The following CEP128 variants were observed in gnomAD, a reference collection of about 807,000 sequenced individuals.
CEP128 encodes centrosomal protein 128kDa.
Under a neutral mutation model 156.7 loss-of-function variants are expected in CEP128, and 132 were observed. The ratio of observed to expected loss-of-function variants is 0.84; its 90% CI spans 0.73 to 0.97. CEP128 has a LOEUF of 0.97. Ranked by LOEUF, CEP128 falls within the 50% of genes least tolerant of loss-of-function variation. CEP128 has a pLI of 0.00. For synonymous variants in CEP128, 469 were observed against 448.9 expected, an observed-to-expected ratio of 1.04 and a Z score of -0.57; for missense variants, 1,252 against 1,281.9, an observed-to-expected ratio of 0.98 and a Z score of 0.36.
intron 23 of CEP128, among the ~76,000 whole-genome samples, chr14:80,506,569 C>T (rs1184128857): frequency 2.6e-5 from 4 of 151,928 alleles, no homozygotes. Flanking sequence ...AATTCCATAT[C>T]TGTGGGTTAG....
chr14:80,911,688 T>C (rs892553320), intron 4 of CEP128, among the ~76,000 whole-genome samples: 24 of 152,322 alleles, frequency 1.6e-4, no homozygotes, highest in African/African-American at 5.1e-4. Flanking sequence ...GTGGATGAAA[T>C]AAGATGATCT....
At chr14:80,708,225 A>G (rs1205780861) in intron 19 of CEP128, among the ~76,000 whole-genome samples, 1 of 152,174 alleles carries the variant, frequency 6.6e-6, no homozygotes, top group African/African-American at 2.4e-5. Flanking sequence ...ATCTTTTGAT[A>G]TACATTCCTA....
chr14:80,933,462 T>C (rs1390738158), intron 2 of CEP128, among the ~76,000 whole-genome samples: 35 of 152,190 alleles, frequency 2.3e-4, no homozygotes, highest in Admixed American at 2.2e-3. Context: ...TAGTTAATTA[T>C]ATCAGGAGTC....
intron 19 of CEP128, among the ~76,000 whole-genome samples, chr14:80,701,143 G>T (rs1897060956): frequency 6.6e-6 from 1 of 152,148 alleles, no homozygotes; most frequent in Non-Finnish European, 1.5e-5. Context: ...CTCTCAGGCT[G>T]CTCCTGATGA....
At chr14:80,690,416 CAAA>C (rs113493547) in intron 19 of CEP128, among the ~76,000 whole-genome samples, 3 of 118,268 alleles carry the variant, frequency 2.5e-5, no homozygotes, top group Admixed American at 8.7e-5. Flanking sequence ...AACTCCATCT[CAAA>C]AAAAAAAAAA....
chr14:80,932,628 G>A (rs569421111), intron 2 of CEP128, among the ~76,000 whole-genome samples: 3 of 152,248 alleles, frequency 2.0e-5, no homozygotes, highest in African/African-American at 7.2e-5. Context: ...TGTCTCCCAT[G>A]ACCCCAAGAC....
At chr14:80,900,156 A>G (rs1259285630) in intron 6 of CEP128, 127 bp from the exon 7 acceptor site, 2 of 594,008 alleles carry the variant, frequency 3.4e-6, no homozygotes, top group Non-Finnish European at 5.7e-6. Flanking sequence ...TTATTATGAA[A>G]GAAAACACCT....
At chr14:80,560,226 G>C (rs1175062136) in intron 20 of CEP128, among the ~76,000 whole-genome samples, 2 of 152,108 alleles carry the variant, frequency 1.3e-5, no homozygotes, top group Non-Finnish European at 2.9e-5. Context: ...AGGAGTTCGA[G>C]ACCAGCCTGG....
chr14:80,677,600 G>C (rs1406175195), intron 19 of CEP128, among the ~76,000 whole-genome samples: 2 of 150,212 alleles, frequency 1.3e-5, no homozygotes, highest in Admixed American at 1.3e-4. Context: ...ATCCAATAAA[G>C]AGTGAAAGAC....
intron 21 of CEP128, among the ~76,000 whole-genome samples, chr14:80,556,286 C>T (rs995257077): frequency 6.6e-6 from 1 of 152,066 alleles, no homozygotes; most frequent in Non-Finnish European, 1.5e-5. Context: ...GAATACATTG[C>T]CGTGCTTCTG....
chr14:80,525,239 G>T (rs1354095543), intron 23 of CEP128, among the ~76,000 whole-genome samples: 1 of 152,060 alleles, frequency 6.6e-6, no homozygotes, highest in African/African-American at 2.4e-5. Context: ...GAAAAAATTA[G>T]GTATATAAGG....
At position 80,743,146 on chromosome 14, in the gene CEP128, T is replaced by C. The variant is rs780133793; in HGVS notation, c.2735A>G (p.Glu912Gly). 1 of 1,613,840 alleles carries C rather than the reference T, an allele frequency of 6.2e-7. No individual in the cohort carries two copies. Among genetic ancestry groups the C allele is most frequent in the South Asian group, 1.1e-5 (1 of 91,078 alleles). ...TATCTGTTGAAAGAGACACTGCAAC[T>C]CAGATTCCTTGTTTTCAGTCAAATT... ...LRNLTENKESELQCLFQQIER... is the reference protein window; with the variant it reads ...LRNLTENKESGLQCLFQQIER... Residue 912 changes from glutamate (E) to glycine (G), a missense_variant, in exon 19 of 25, where the codon GAG (glutamate) becomes GGG (glycine). Glu to Gly is a moderately conservative substitution (Grantham distance 98). Coordinates refer to ENST00000555265, the MANE Select transcript of CEP128 (RefSeq NM_152446.5).
chr14:80,874,406 G>A (rs12587246), intron 8 of CEP128, among the ~76,000 whole-genome samples: 14,916 of 151,662 alleles, frequency 0.098, 1,237 homozygotes, highest in East Asian at 0.43. Context: ...GGAGGTTGCA[G>A]CGAGCTGAGA....
intron 13 of CEP128, among the ~76,000 whole-genome samples, chr14:80,827,582 A>C (rs1885547522): frequency 6.6e-6 from 1 of 152,222 alleles, no homozygotes; most frequent in African/African-American, 2.4e-5. Flanking sequence ...TCCAGGAATA[A>C]AGACATAGAA....
chr14:80,557,430 T>G (rs907932995), intron 21 of CEP128, among the ~76,000 whole-genome samples: 1 of 152,226 alleles, frequency 6.6e-6, no homozygotes, highest in African/African-American at 2.4e-5. Flanking sequence ...AGAAGTCATT[T>G]GCTAAATGTT....
At chr14:80,741,650 A>G (rs1239147877) in intron 19 of CEP128, among the ~76,000 whole-genome samples, 3 of 152,172 alleles carry the variant, frequency 2.0e-5, no homozygotes, top group Non-Finnish European at 4.4e-5. Context: ...ATTAACTCTG[A>G]GATGGCATTA....
downstream of CEP128, among the ~76,000 whole-genome samples, chr14:80,495,238 G>A (rs1594908232): frequency 6.6e-6 from 1 of 152,294 alleles, no homozygotes; most frequent in South Asian, 2.1e-4. Flanking sequence ...GTGAGTAAAG[G>A]AAAGAAGTTG....
intron 19 of CEP128, among the ~76,000 whole-genome samples, chr14:80,650,272 C>T (rs1894844085): frequency 6.6e-6 from 1 of 152,112 alleles, no homozygotes; most frequent in African/African-American, 2.4e-5. Context: ...ATTTTGTATC[C>T]TGAGACTTTG....
rs118035516 is a variant in CEP128, at chr14:80,830,083, C to T, written c.1209+1060G>A. 4.4e-3 allele frequency: 1,791 copies of T among 405,980 alleles called. 13 individuals carry two copies. Among genetic ancestry groups the T allele is most frequent in the Non-Finnish European group, 5.0e-3 (1,134 of 226,596 alleles). The allele number at this position is 405,980 out of a possible 1,614,324, so 25.1% of individuals were successfully genotyped here. ...CTTCAGCAAAATAATCATATTTTAG[C>T]ATTTTCATCAGCAGGATCAAGGGCT... On this transcript the variant is annotated intron_variant, in intron 13 of 24. Coordinates refer to ENST00000555265, the MANE Select transcript of CEP128 (RefSeq NM_152446.5).
Sources: gnomAD v4.1 joint callset for allele counts (sites outside exome capture counted in the v4.1 genomes callset) on GRCh38, gnomAD v4.1.1 for gene constraint, MANE v1.5 for transcripts, NCBI Gene and HGNC (gene_info 2026-07-23, HGNC 2026-07-21) for gene names.